LPP: variants seen among roughly 807,000 people sequenced by gnomAD.
The protein encoded by LPP is lipoma-preferred partner.
Under a neutral mutation model 60.4 loss-of-function variants are expected in LPP, and 38 were observed. The observed-to-expected ratio is 0.63, with a 90% CI of 0.49 to 0.83. The LOEUF (loss-of-function observed/expected upper bound fraction) is 0.83, where lower values mean the gene tolerates loss of function less well. Ranked by LOEUF, LPP falls within the 40% of genes least tolerant of loss-of-function variation. The pLI, the probability that LPP is intolerant of heterozygous loss-of-function variation, is 0.00. For missense variants in LPP, 902 were observed against 783.6 expected (o/e 1.15, Z -1.80); for synonymous variants, 328 against 290.8 (o/e 1.13, Z -1.30).
chr3:188,240,164 T>G (rs1391143557), intron 2 of LPP: 1 of 185,658 alleles, frequency 5.4e-6, no homozygotes, highest in East Asian at 8.7e-5. Context: ...CATCTCAAGG[T>G]GGGGTTTATG....
chr3:188,543,474 A>G (rs905349371), intron 6 of LPP, among the ~76,000 whole-genome samples: 8 of 152,164 alleles, frequency 5.3e-5, no homozygotes, highest in African/African-American at 7.2e-5. Flanking sequence ...CTGCACTTGT[A>G]TCTGAAGGTT....
rs1771105338 is a variant in LPP at position 188,890,252 on chromosome 3, G to C, written c.*15773G>C. The C allele has an allele frequency of 4.7e-6, 1 of 213,672 alleles. No homozygotes were observed. The highest frequency in any genetic ancestry group is 9.5e-6 in the Non-Finnish European group (1 of 105,780). 13.2% of individuals were successfully genotyped at this position (213,672 alleles called of 1,614,324 possible). On this transcript the variant is annotated 3_prime_UTR_variant, in exon 12 of 12. Coordinates refer to ENST00000617246, the MANE Select transcript of LPP (RefSeq NM_001375462.1). ...GTCTGAATAACATTCCCTGACTTAGGGAAAGGCACACAAAAACATATAAAG... is the reference window on the plus strand; with the variant it reads ...GTCTGAATAACATTCCCTGACTTAGCGAAAGGCACACAAAAACATATAAAG...
chr3:188,312,280 T>A (rs1753708603), intron 2 of LPP, among the ~76,000 whole-genome samples: 1 of 152,188 alleles, frequency 6.6e-6, no homozygotes, highest in Non-Finnish European at 1.5e-5. Flanking sequence ...CCATTTGAAA[T>A]GAGCCGTACC....
chr3:188,191,687 A>T (rs1728213383), intron 1 of LPP, among the ~76,000 whole-genome samples: 1 of 152,160 alleles, frequency 6.6e-6, no homozygotes, highest in African/African-American at 2.4e-5. Context: ...TGAGGAGGGG[A>T]GGCATAGGAG....
chr3:188,561,762 T>C (rs559649145), intron 6 of LPP, among the ~76,000 whole-genome samples: 84 of 152,140 alleles, frequency 5.5e-4, no homozygotes, highest in African/African-American at 1.9e-3. Flanking sequence ...TCATTACATA[T>C]AAGGATAGGA....
At chr3:188,433,862 T>A (rs1005397426) in intron 4 of LPP, among the ~76,000 whole-genome samples, 28 of 152,160 alleles carry the variant, frequency 1.8e-4, no homozygotes, top group Admixed American at 5.2e-4. Flanking sequence ...TATCTTTTTT[T>A]AAAATTTTTA....
At chr3:188,869,010 C>T (rs1197400046) in intron 10 of LPP, among the ~76,000 whole-genome samples, 1 of 152,198 alleles carries the variant, frequency 6.6e-6, no homozygotes, top group Non-Finnish European at 1.5e-5. Context: ...AGGGCTTGCA[C>T]TGTCAAAGTC....
At chr3:188,207,758 A>T (rs532067978) in intron 1 of LPP, among the ~76,000 whole-genome samples, 47 of 151,910 alleles carry the variant, frequency 3.1e-4, no homozygotes, top group African/African-American at 1.1e-3. Flanking sequence ...TCTGGCTTAA[A>T]TATTTCCTTC....
chr3:188,162,286 A>C (rs950852591), intron 1 of LPP, among the ~76,000 whole-genome samples: 11 of 152,208 alleles, frequency 7.2e-5, no homozygotes, highest in African/African-American at 2.7e-4. Context: ...AAGGGTCATA[A>C]AACTTTCCTA....
intron 2 of LPP, among the ~76,000 whole-genome samples, chr3:188,274,164 C>G (rs1235482183): frequency 1.2e-4 from 18 of 152,106 alleles, no homozygotes; most frequent in Admixed American, 1.2e-3. Flanking sequence ...GACTTCCTAA[C>G]TTAACAATGG....
At chr3:188,328,346 C>T (rs1052365365) in intron 2 of LPP, among the ~76,000 whole-genome samples, 5 of 152,132 alleles carry the variant, frequency 3.3e-5, no homozygotes, top group African/African-American at 1.2e-4. Flanking sequence ...TTCTTGCAAA[C>T]ACTGATCATT....
chr3:188,839,577 A>T (rs890746116), intron 9 of LPP, among the ~76,000 whole-genome samples: 1 of 152,146 alleles, frequency 6.6e-6, no homozygotes, highest in African/African-American at 2.4e-5. Context: ...GAGTACAAAA[A>T]CCAGCCTCAC....
At chr3:188,589,066 G>C (rs1838106632) in intron 6 of LPP, among the ~76,000 whole-genome samples, 1 of 152,016 alleles carries the variant, frequency 6.6e-6, no homozygotes, top group African/African-American at 2.4e-5. Flanking sequence ...AAAAAGCTCA[G>C]TGCCTTGTGC....
At chr3:188,421,063 G>A (rs565661508) in intron 4 of LPP, among the ~76,000 whole-genome samples, 1 of 152,270 alleles carries the variant, frequency 6.6e-6, no homozygotes, top group East Asian at 1.9e-4. Flanking sequence ...GAAGCTTGGT[G>A]GTGAGGTGGC....
chr3:188,290,594 G>A (rs933926303), intron 2 of LPP, among the ~76,000 whole-genome samples: 8 of 151,408 alleles, frequency 5.3e-5, no homozygotes, highest in African/African-American at 1.5e-4. Flanking sequence ...TCATGTTCCC[G>A]GCCTCTTCAC....
intron 4 of LPP, among the ~76,000 whole-genome samples, chr3:188,417,532 C>T (rs1298495249): frequency 6.6e-6 from 1 of 152,034 alleles, no homozygotes; most frequent in African/African-American, 2.4e-5. Context: ...CATCTGGGCT[C>T]CTGGGAATAG....
chr3:188,546,492 T>C (rs1456414352), intron 6 of LPP, among the ~76,000 whole-genome samples: 2 of 152,096 alleles, frequency 1.3e-5, no homozygotes, highest in African/African-American at 2.4e-5. Context: ...TTCTAGGAGA[T>C]CTCAAGAAAA....
At chr3:188,779,166 C>T (rs1419285666) in intron 9 of LPP, among the ~76,000 whole-genome samples, 1 of 151,782 alleles carries the variant, frequency 6.6e-6, no homozygotes, top group Admixed American at 6.6e-5. Flanking sequence ...AATGTTAGTG[C>T]ACTTATAGAA....
rs80155481 is a variant in LPP at position 188,745,520 on chromosome 3, A to G, written c.1241-14593A>G. On this transcript the variant is annotated intron_variant, in intron 8 of 11. Coordinates refer to ENST00000617246, the MANE Select transcript of LPP (RefSeq NM_001375462.1). ...CTTCTGTCTTACTGCTCTGTCTGCT[A>G]TGTTGGCCCATAATTAACCACTCAG... Among the ~76,000 whole-genome samples the G allele has an allele frequency of 0.011, 1,616 of 152,240 alleles. 72 individuals carry two copies. The East Asian group carries it at 0.14, about 14-fold the overall frequency.
Sources: gnomAD v4.1 joint callset for allele counts (sites outside exome capture counted in the v4.1 genomes callset) on GRCh38, gnomAD v4.1.1 for gene constraint, MANE v1.5 for transcripts, NCBI Gene and HGNC (gene_info 2026-07-23, HGNC 2026-07-21) for gene names.